Variants in UBE2G1 observed in about 807,000 individuals in gnomAD.
The protein encoded by UBE2G1 is ubiquitin conjugating enzyme E2 G1.
In UBE2G1, 5 loss-of-function variants were observed where a neutral mutation model predicts 22.7. The ratio of observed to expected loss-of-function variants is 0.22; its 90% confidence interval spans 0.12 to 0.46. The LOEUF (loss-of-function observed/expected upper bound fraction) is 0.46. UBE2G1 is among the 20% of genes least tolerant of loss of function. The probability of loss-of-function intolerance (pLI) is 0.99; values close to 1 mark genes in which losing one functional copy is unlikely to be tolerated. For missense variants in UBE2G1, 88 were observed against 203.9 expected, an observed-to-expected ratio of 0.43 and a Z score of 3.46; for synonymous variants, 74 against 67.5, an observed-to-expected ratio of 1.10 and a Z score of -0.47.
intron 1 of UBE2G1, among the ~76,000 whole-genome samples, chr17:4,342,768 A>T (rs1477359232): frequency 6.6e-6 from 1 of 152,168 alleles, no homozygotes; most frequent in Non-Finnish European, 1.5e-5. Flanking sequence ...ATTAAAATGT[A>T]AATCAGGTCA....
intron 5 of UBE2G1, among the ~76,000 whole-genome samples, chr17:4,281,369 A>G (rs2143681626): frequency 6.6e-6 from 1 of 152,358 alleles, no homozygotes; most frequent in Admixed American, 6.5e-5. Context: ...ATTATGAAGA[A>G]AAGCAATAGT....
At chr17:4,357,607 T>C (rs187259410) in intron 1 of UBE2G1, among the ~76,000 whole-genome samples, 27 of 149,808 alleles carry the variant, frequency 1.8e-4, no homozygotes, top group Admixed American at 1.6e-3. Flanking sequence ...ACCACAAAGA[T>C]CCCTCATGTT....
chr17:4,272,551 C>T (rs1437808), intron 5 of UBE2G1, 35 bp from the exon 6 acceptor site: 108,163 of 186,464 alleles, frequency 0.58, 33,319 homozygotes, highest in East Asian at 0.82. Context: ...ATAGTCAATT[C>T]ATCAATTACA....
intron 1 of UBE2G1, among the ~76,000 whole-genome samples, chr17:4,320,548 G>A (rs1315117873): frequency 2.6e-5 from 4 of 152,180 alleles, no homozygotes; most frequent in East Asian, 1.9e-4. Flanking sequence ...GATGCCCAAC[G>A]TTGGGAGACA....
chr17:4,335,636 C>T (rs1334005976), intron 1 of UBE2G1, among the ~76,000 whole-genome samples: 1 of 152,106 alleles, frequency 6.6e-6, no homozygotes, highest in East Asian at 1.9e-4. Context: ...CTAAGATGTA[C>T]CTTTTTCACA....
chr17:4,319,806 T>A (rs1598192911), intron 1 of UBE2G1, among the ~76,000 whole-genome samples: 1 of 151,970 alleles, frequency 6.6e-6, no homozygotes, highest in East Asian at 1.9e-4. Context: ...TTGTAAACTT[T>A]AAGGACTTAA....
intron 1 of UBE2G1, among the ~76,000 whole-genome samples, chr17:4,358,554 C>T (rs374403112): frequency 6.6e-6 from 1 of 152,066 alleles, no homozygotes; most frequent in Non-Finnish European, 1.5e-5. Context: ...TGTAGCTTGT[C>T]TTTGCATCCT....
rs1433449267 is a variant in UBE2G1, at chr17:4,302,030, A to G, written c.149+4991T>C. On this transcript the variant is annotated intron_variant, in intron 2 of 5. Transcript: ENST00000396981. Reference sequence around the variant, plus strand: ...GAGCAGAGAGAATCCTTCATAAAGAACAACAACAACAAAAAAAGGGGGGGG... The same window carrying G: ...GAGCAGAGAGAATCCTTCATAAAGAGCAACAACAACAAAAAAAGGGGGGGG... The G allele has an allele frequency of 8.1e-6, 4 of 492,134 alleles. No homozygotes were observed. In the Admixed American group the frequency reaches 8.7e-5, roughly 11 times the overall value. 30.5% of individuals were successfully genotyped at this position (492,134 alleles called of 1,614,324 possible). A position where few individuals can be genotyped will look rare whatever the true frequency, so the allele number is the denominator to read the frequency against.
At chr17:4,278,341 G>A (rs55637058) in intron 5 of UBE2G1, among the ~76,000 whole-genome samples, 59,606 of 152,124 alleles carry the variant, frequency 0.39, 14,345 homozygotes, top group East Asian at 0.75. Context: ...CAGCAGGGGT[G>A]CCCAGTCTTT....
rs772937736 is a variant in UBE2G1, at chr17:4,366,324, G to A, written c.-8C>T. The A allele has an allele frequency of 1.9e-6, 3 of 1,542,660 alleles. No individual in the cohort carries two copies. Among genetic ancestry groups the A allele is most frequent in the African/African-American group, 1.4e-5 (1 of 70,172 alleles). On this transcript the variant is annotated 5_prime_UTR_variant, in exon 1 of 6. Transcript: ENST00000396981. ...CGACTGCAGCTCCGTCATCCTCCCT[G>A]CCGAGGGCCCGGGCTGGCGCCGGGG...
intron 5 of UBE2G1, among the ~76,000 whole-genome samples, chr17:4,276,692 A>T (rs1000973826): frequency 2.0e-5 from 3 of 152,204 alleles, no homozygotes; most frequent in African/African-American, 7.2e-5. Context: ...GTGCTGAGTT[A>T]CGCAATCCGT....
At chr17:4,301,424 G>C (rs1416886352) in intron 2 of UBE2G1, 1 of 663,740 alleles carries the variant, frequency 1.5e-6, no homozygotes, top group African/African-American at 1.8e-5. Flanking sequence ...GACTTTTGAT[G>C]CTGTTATTGA....
intron 1 of UBE2G1, among the ~76,000 whole-genome samples, chr17:4,359,723 G>C (rs1402771528): frequency 6.6e-6 from 1 of 152,060 alleles, no homozygotes; most frequent in African/African-American, 2.4e-5. Context: ...GTGGTGGCGT[G>C]TGCCTGTAGT....
chr17:4,275,576 T>C (rs557120693), intron 5 of UBE2G1, among the ~76,000 whole-genome samples: 27 of 152,290 alleles, frequency 1.8e-4, no homozygotes, highest in African/African-American at 6.3e-4. Context: ...ATTTTCCATA[T>C]GGCTACAAAA....
chr17:4,308,107 A>G (rs1015170657), intron 1 of UBE2G1, among the ~76,000 whole-genome samples: 1 of 152,054 alleles, frequency 6.6e-6, no homozygotes. Flanking sequence ...TAATCCCAGC[A>G]CTTTGGGAGG....
At position 4,348,856 on chromosome 17, in the gene UBE2G1, G is replaced by A. The variant is rs1000976414; in HGVS notation, c.46+17415C>T. Among the ~76,000 whole-genome samples the A allele has an allele frequency of 4.0e-5, 6 of 151,438 alleles. 1 individual carries two copies. Among genetic ancestry groups the A allele is most frequent in the South Asian group, 2.1e-4 (1 of 4,800 alleles). On this transcript the variant is annotated intron_variant, in intron 1 of 5. Transcript: ENST00000396981. ...AGCCTGGGAGACACAACAAGACTCC[G>A]TCTCAAAAAAATAAAAATAAAAATA...
chr17:4,318,108 T>TA (rs752034727), intron 1 of UBE2G1, among the ~76,000 whole-genome samples: 1 of 152,172 alleles, frequency 6.6e-6, no homozygotes, highest in Non-Finnish European at 1.5e-5. Context: ...TAAAGGATGG[T>TA]AAAGCCCTTG....
intron 2 of UBE2G1, among the ~76,000 whole-genome samples, chr17:4,305,601 G>C (rs1029167584): frequency 1.3e-5 from 2 of 152,206 alleles, no homozygotes; most frequent in Non-Finnish European, 2.9e-5. Context: ...GAGTGCAGTA[G>C]CGTAATTTTG....
chr17:4,306,150 C>T (rs1052074011), intron 2 of UBE2G1, among the ~76,000 whole-genome samples: 1 of 152,140 alleles, frequency 6.6e-6, no homozygotes, highest in Non-Finnish European at 1.5e-5. Flanking sequence ...AACCAGTATT[C>T]GGTGGGGACT....
Sources: allele counts gnomAD v4.1 joint callset (sites outside exome capture counted in the v4.1 genomes callset), GRCh38; gene constraint gnomAD v4.1.1; transcripts MANE v1.5; gene names NCBI Gene and HGNC (gene_info 2026-07-23, HGNC 2026-07-21).